SEMA3E: variants seen among roughly 807,000 people sequenced by gnomAD.
The protein encoded by SEMA3E is semaphorin-3E.
SEMA3E carries 49 observed loss-of-function variants against 93.6 expected under a neutral mutation model. That is an observed-to-expected ratio of 0.52 (90% confidence interval 0.42 to 0.66). The LOEUF is 0.66. Among genes scored for constraint, SEMA3E ranks in the 30% least tolerant of loss-of-function variants. The probability of loss-of-function intolerance (pLI) is 0.00; values close to 1 mark genes in which losing one functional copy is unlikely to be tolerated. For missense variants in SEMA3E, 906 were observed against 964.8 expected (o/e 0.94, Z 0.81); for synonymous variants, 363 against 330.7 (o/e 1.10, Z -1.06).
chr7:83,591,055 T>G (rs899572499), intron 1 of SEMA3E, among the ~76,000 whole-genome samples: 1 of 151,310 alleles, frequency 6.6e-6, no homozygotes, highest in Admixed American at 6.6e-5. Flanking sequence ...TTCTGTTAAT[T>G]TATTTCTTAA....
chr7:83,475,535 T>C (rs1789991696), intron 2 of SEMA3E, among the ~76,000 whole-genome samples: 1 of 152,064 alleles, frequency 6.6e-6, no homozygotes, highest in African/African-American at 2.4e-5. Context: ...TTGGAGTCCC[T>C]CAGGTGTGAC....
At chr7:83,449,187 C>A (rs62460809) in intron 4 of SEMA3E, among the ~76,000 whole-genome samples, 1 of 151,780 alleles carries the variant, frequency 6.6e-6, no homozygotes, top group East Asian at 1.9e-4. Flanking sequence ...GCAACCTCCA[C>A]CTCCTGGGCT....
rs147023888 is a variant in SEMA3E at position 83,605,566 on chromosome 7, G to T, written c.115+42862C>A. 6.0e-3 allele frequency among the ~76,000 whole-genome samples: 913 copies of T among 151,932 alleles called. 9 individuals are homozygous for T. The highest frequency in any genetic ancestry group is 0.021 in the African/African-American group (877 of 41,414). On this transcript the variant is annotated intron_variant, in intron 1 of 16. Transcript: ENST00000643230. ...CTGCCTCAGCCTCCTGAGTAGCTGGGATTACAGGCACCCACCACCACCCCC... is the reference window on the plus strand; with the variant it reads ...CTGCCTCAGCCTCCTGAGTAGCTGGTATTACAGGCACCCACCACCACCCCC...
rs534153205 is a variant in SEMA3E, at chr7:83,616,884, C to T, written c.115+31544G>A. On this transcript the variant is annotated intron_variant, in intron 1 of 16. Transcript: ENST00000643230. ...GGATTACAGGAGCCTGCCACCACAC[C>T]TGGCTAGTTTTTGTATTTTTGGTAG... Among the ~76,000 whole-genome samples, 5 of 152,194 alleles carry T rather than the reference C, an allele frequency of 3.3e-5. No homozygotes were observed. In the East Asian group the frequency reaches 9.7e-4, roughly 30 times the overall value.
intron 1 of SEMA3E, among the ~76,000 whole-genome samples, chr7:83,587,017 T>C (rs1267216858): frequency 6.6e-6 from 1 of 152,178 alleles, no homozygotes; most frequent in Admixed American, 6.5e-5. Flanking sequence ...TTAGAATAGA[T>C]ATATATCTGA....
chr7:83,365,375 G>T lies in SEMA3E; in HGVS notation c.*2211C>A, dbSNP rs1211143228. 6.6e-6 allele frequency: 1 copy of T among 152,116 alleles called. No homozygotes were observed. Among genetic ancestry groups the T allele is most frequent in the Non-Finnish European group, 1.5e-5 (1 of 68,024 alleles). The allele number at this position is 152,116 out of a possible 1,614,324, so 9.4% of individuals were successfully genotyped here. On this transcript the variant is annotated 3_prime_UTR_variant, in exon 17 of 17. Coordinates refer to ENST00000643230, the MANE Select transcript of SEMA3E (RefSeq NM_012431.3). ...TAAAATTTAGTGGTCTCACCAAATTGTGGACTTGGGCCCTCAAAGTTTTCT... is the reference window on the plus strand; with the variant it reads ...TAAAATTTAGTGGTCTCACCAAATTTTGGACTTGGGCCCTCAAAGTTTTCT...
intron 4 of SEMA3E, among the ~76,000 whole-genome samples, chr7:83,453,092 A>G (rs1431799466): frequency 2.0e-5 from 3 of 152,108 alleles, no homozygotes; most frequent in African/African-American, 7.2e-5. Flanking sequence ...CAGTGGCGCA[A>G]TCTCGGCTCA....
At chr7:83,646,028 T>G (rs1794075386) in intron 1 of SEMA3E, among the ~76,000 whole-genome samples, 1 of 152,040 alleles carries the variant, frequency 6.6e-6, no homozygotes, top group Non-Finnish European at 1.5e-5. Flanking sequence ...CTTAGATCAT[T>G]AACTGTGAAA....
intron 13 of SEMA3E, among the ~76,000 whole-genome samples, chr7:83,393,065 A>G (rs1365290139): frequency 1.3e-5 from 2 of 150,188 alleles, no homozygotes; most frequent in Non-Finnish European, 3.0e-5. Context: ...AAATTATAGC[A>G]GTTGTTCAAT....
chr7:83,435,127 C>T (rs1288131535), intron 4 of SEMA3E, among the ~76,000 whole-genome samples: 2 of 152,112 alleles, frequency 1.3e-5, no homozygotes, highest in East Asian at 3.9e-4. Context: ...AAATGTTAGA[C>T]CTTGAAAAAG....
At chr7:83,536,205 A>ATT (rs201674365) in intron 1 of SEMA3E, among the ~76,000 whole-genome samples, 4 of 151,992 alleles carry the variant, frequency 2.6e-5, no homozygotes, top group African/African-American at 9.6e-5. Flanking sequence ...CCAGCTTTTG[A>ATT]TTTTTTTTAA....
intron 4 of SEMA3E, among the ~76,000 whole-genome samples, chr7:83,435,124 A>C (rs1340598742): frequency 6.6e-6 from 1 of 152,222 alleles, no homozygotes; most frequent in Non-Finnish European, 1.5e-5. Context: ...ACTAAATGTT[A>C]GACCTTGAAA....
intron 1 of SEMA3E, among the ~76,000 whole-genome samples, chr7:83,599,190 G>C (rs1792934798): frequency 6.6e-6 from 1 of 152,118 alleles, no homozygotes; most frequent in Admixed American, 6.6e-5. Context: ...TGATGTCATT[G>C]CAAGTCACTA....
At chr7:83,617,564 T>A (rs868405997) in intron 1 of SEMA3E, among the ~76,000 whole-genome samples, 36 of 142,890 alleles carry the variant, frequency 2.5e-4, no homozygotes, top group East Asian at 1.9e-3. Flanking sequence ...TTTATATAAA[T>A]TTTATATAAG....
intron 1 of SEMA3E, among the ~76,000 whole-genome samples, chr7:83,543,916 T>C (rs1189099592): frequency 6.6e-6 from 1 of 152,110 alleles, no homozygotes; most frequent in Non-Finnish European, 1.5e-5. Flanking sequence ...CAGTTTACCT[T>C]AACGTTTAAT....
At chr7:83,506,256 C>T (rs984880475) in intron 1 of SEMA3E, among the ~76,000 whole-genome samples, 2 of 151,744 alleles carry the variant, frequency 1.3e-5, no homozygotes, top group Admixed American at 6.6e-5. Context: ...AAACGTATAG[C>T]GCATATACAC....
At chr7:83,415,734 T>A (rs1203726793) in intron 5 of SEMA3E, among the ~76,000 whole-genome samples, 1 of 152,148 alleles carries the variant, frequency 6.6e-6, no homozygotes. Context: ...AGCACCATTT[T>A]TTTTTAGGTC....
chr7:83,644,747 A>G, intron 1 of SEMA3E, among the ~76,000 whole-genome samples: 1 of 152,006 alleles, frequency 6.6e-6, no homozygotes, highest in East Asian at 1.9e-4. Context: ...TATAATACCC[A>G]ATACAGATAC....
intron 11 of SEMA3E, among the ~76,000 whole-genome samples, chr7:83,399,362 T>A (rs960536028): frequency 6.6e-6 from 1 of 152,112 alleles, no homozygotes; most frequent in Non-Finnish European, 1.5e-5. Context: ...AAATATCACT[T>A]GTAGCATATT....
Sources: allele counts gnomAD v4.1 joint callset (sites outside exome capture counted in the v4.1 genomes callset), GRCh38; gene constraint gnomAD v4.1.1; transcripts MANE v1.5; gene names NCBI Gene and HGNC (gene_info 2026-07-23, HGNC 2026-07-21).